The following CYSTM1 variants were observed in gnomAD, a reference collection of about 807,000 sequenced individuals.
CYSTM1 encodes cysteine-rich transmembrane module-containing protein 1.
CYSTM1 carries 4 observed loss-of-function variants against 13.1 expected under a neutral mutation model. The observed-to-expected ratio is 0.31, with a 90% confidence interval of 0.15 to 0.70. CYSTM1 has a LOEUF of 0.70. CYSTM1 is among the 30% of genes least tolerant of loss of function. CYSTM1 has a pLI of 0.72. For missense variants in CYSTM1, 96 were observed against 121.6 expected, an observed-to-expected ratio of 0.79 and a Z score of 0.99; for synonymous variants, 36 against 42.7, an observed-to-expected ratio of 0.84 and a Z score of 0.62.
chr5:140,241,985 G>A (rs12188849), intron 2 of CYSTM1, among the ~76,000 whole-genome samples: 73,219 of 152,062 alleles, frequency 0.48, 17,833 homozygotes, highest in South Asian at 0.71. Flanking sequence ...CGAGAGACTT[G>A]AGCTCTCTAA....
intron 1 of CYSTM1, among the ~76,000 whole-genome samples, chr5:140,182,799 C>T (rs2126652880): frequency 6.6e-6 from 1 of 152,166 alleles, no homozygotes; most frequent in East Asian, 1.9e-4. Flanking sequence ...CCTATGAAAA[C>T]AGAAGAAAGG....
At chr5:140,242,011 C>T (rs763626349) in intron 2 of CYSTM1, among the ~76,000 whole-genome samples, 3 of 152,196 alleles carry the variant, frequency 2.0e-5, no homozygotes, top group Admixed American at 6.5e-5. Context: ...GAATTCCTTG[C>T]CTGTGAAGTG....
At chr5:140,185,729 C>A (rs1206092599) in intron 1 of CYSTM1, among the ~76,000 whole-genome samples, 1 of 152,228 alleles carries the variant, frequency 6.6e-6, no homozygotes, top group Non-Finnish European at 1.5e-5. Flanking sequence ...CCCCCTGGGG[C>A]TCCTGTGTTA....
At chr5:140,177,371 A>C (rs961423230) in intron 1 of CYSTM1, among the ~76,000 whole-genome samples, 7 of 152,210 alleles carry the variant, frequency 4.6e-5, no homozygotes, top group Admixed American at 3.3e-4. Flanking sequence ...GGCTCATTGC[A>C]ACCTTTGCCT....
intron 1 of CYSTM1, among the ~76,000 whole-genome samples, chr5:140,194,212 C>T (rs1455207086): frequency 6.6e-6 from 1 of 152,162 alleles, no homozygotes; most frequent in Non-Finnish European, 1.5e-5. Flanking sequence ...TACTTGATAT[C>T]TACTGTCACA....
chr5:140,183,179 G>A (rs1202968349), intron 1 of CYSTM1, among the ~76,000 whole-genome samples: 2 of 152,340 alleles, frequency 1.3e-5, no homozygotes, highest in African/African-American at 4.8e-5. Context: ...GGCCTGGGAA[G>A]TGGCCTTATC....
chr5:140,195,917 C>T (rs541636836), intron 2 of CYSTM1, among the ~76,000 whole-genome samples: 3 of 151,546 alleles, frequency 2.0e-5, no homozygotes, highest in East Asian at 3.9e-4. Flanking sequence ...TGGTGGTACG[C>T]GTCTATAGTC....
At chr5:140,208,074 G>A (rs993702070) in intron 2 of CYSTM1, among the ~76,000 whole-genome samples, 1 of 152,172 alleles carries the variant, frequency 6.6e-6, no homozygotes, top group Non-Finnish European at 1.5e-5. Flanking sequence ...CTATGATCCA[G>A]CAATCCCACT....
chr5:140,178,409 A>G (rs1205934142), intron 1 of CYSTM1, among the ~76,000 whole-genome samples: 1 of 142,646 alleles, frequency 7.0e-6, no homozygotes, highest in African/African-American at 2.6e-5. Flanking sequence ...TTGAAGTTCT[A>G]AGTTTTTGGA....
At chr5:140,241,063 T>C (rs984707729) in intron 2 of CYSTM1, among the ~76,000 whole-genome samples, 4 of 152,250 alleles carry the variant, frequency 2.6e-5, no homozygotes, top group Admixed American at 2.6e-4. Context: ...TTGTAGCTGC[T>C]GTTTCTAACC....
chr5:140,235,174 G>A (rs899481410), intron 2 of CYSTM1, among the ~76,000 whole-genome samples: 24 of 151,526 alleles, frequency 1.6e-4, no homozygotes, highest in Non-Finnish European at 3.2e-4. Context: ...CGCCATGTTG[G>A]CCAGGCTGGT....
intron 2 of CYSTM1, among the ~76,000 whole-genome samples, chr5:140,215,823 G>A (rs1272847631): frequency 6.6e-6 from 1 of 152,036 alleles, no homozygotes; most frequent in Non-Finnish European, 1.5e-5. Flanking sequence ...GTGTTGTTTT[G>A]TGTGTGTATA....
chr5:140,176,874 C>T (rs1763892050), intron 1 of CYSTM1, among the ~76,000 whole-genome samples: 1 of 152,060 alleles, frequency 6.6e-6, no homozygotes, highest in South Asian at 2.1e-4. Flanking sequence ...TCGAGACCAT[C>T]CTGACTAACA....
chr5:140,217,187 GA>G (rs1380143906), intron 2 of CYSTM1, among the ~76,000 whole-genome samples: 2 of 152,142 alleles, frequency 1.3e-5, no homozygotes, highest in Non-Finnish European at 2.9e-5. Context: ...TCAGCCTGGA[GA>G]ATTTTAGAGA....
chr5:140,226,485 A>T (rs1454403392), intron 2 of CYSTM1, among the ~76,000 whole-genome samples: 6 of 115,480 alleles, frequency 5.2e-5, no homozygotes, highest in Non-Finnish European at 6.8e-5. Flanking sequence ...ATATATATTT[A>T]TATATATATA....
chr5:140,175,349 G>A lies in CYSTM1; in HGVS notation c.-21+64G>A, dbSNP rs1366650434. 6.6e-6 allele frequency: 1 copy of A among 152,564 alleles called. No homozygotes were observed. Among genetic ancestry groups the A allele is most frequent in the Non-Finnish European group, 1.5e-5 (1 of 68,346 alleles). The allele number at this position is 152,564 out of a possible 1,614,324, so 9.5% of individuals were successfully genotyped here. ...AGGGCGGGGATCAGGCACGGACAGG[G>A]CGCGTCCCCGGGCTCCCTGGGGAGC... On this transcript the variant is annotated intron_variant, in intron 1 of 2. Coordinates refer to ENST00000261811, the MANE Select transcript of CYSTM1 (RefSeq NM_032412.4). The surrounding 1 kb of genome is among the most constrained non-coding windows in gnomAD (Gnocchi z 4.9).
At chr5:140,228,603 T>C in intron 2 of CYSTM1, 1 of 395,412 alleles carries the variant, frequency 2.5e-6, no homozygotes, top group Non-Finnish European at 4.5e-6. Context: ...GCCCTGCCCT[T>C]GTGGAGCTAA....
chr5:140,191,266 A>G (rs1764090922), intron 1 of CYSTM1, among the ~76,000 whole-genome samples: 1 of 152,246 alleles, frequency 6.6e-6, no homozygotes, highest in Non-Finnish European at 1.5e-5. Flanking sequence ...GAACAAAGGG[A>G]AAGAGTGTAT....
At chr5:140,193,793 C>T (rs2126657157) in intron 1 of CYSTM1, among the ~76,000 whole-genome samples, 1 of 152,346 alleles carries the variant, frequency 6.6e-6, no homozygotes, top group Non-Finnish European at 1.5e-5. Flanking sequence ...CCTCCAGAGT[C>T]TCAGGGGCCT....
Sources: allele counts gnomAD v4.1 joint callset (sites outside exome capture counted in the v4.1 genomes callset), GRCh38; gene constraint gnomAD v4.1.1; non-coding constraint Gnocchi (gnomAD v3.1); transcripts MANE v1.5; gene names NCBI Gene and HGNC (gene_info 2026-07-23, HGNC 2026-07-21).